RYR2: variants seen among roughly 807,000 people sequenced by gnomAD.
The protein encoded by RYR2 is ryanodine receptor 2, also known as cardiac muscle ryanodine receptor-calcium release channel.
A neutral mutation model predicts 601.1 loss-of-function variants in RYR2; 227 were observed. The observed-to-expected ratio is 0.38, with a 90% CI of 0.34 to 0.42. RYR2 has a LOEUF of 0.42. Among genes scored for constraint, RYR2 ranks in the 10% least tolerant of loss-of-function variants. The pLI, the probability that RYR2 is intolerant of heterozygous loss-of-function variation, is 1.00. For missense variants in RYR2, 4,646 were observed against 6,156.5 expected (o/e 0.75, Z 8.21); for synonymous variants, 2,223 against 2,175.1 (o/e 1.02, Z -0.61).
At chr1:237,086,633 C>A (rs1479310964) in intron 1 of RYR2, among the ~76,000 whole-genome samples, 4 of 152,126 alleles carry the variant, frequency 2.6e-5, no homozygotes, top group African/African-American at 9.7e-5. Context: ...TTAACTAATC[C>A]AAGCCAGGGC....
At chr1:237,831,392 C>T (rs1446074148) in intron 103 of RYR2, 122 bp from the exon 104 acceptor site, 5 of 594,542 alleles carry the variant, frequency 8.4e-6, no homozygotes, top group Admixed American at 3.4e-5. Flanking sequence ...CAAAAATTTG[C>T]ATGTGGCGTT....
rs565039390 is a variant in RYR2, at chr1:237,320,956, C to T, written c.169-9922C>T. ...GATTTTTTTAGAGCAGGCTCACTGT[C>T]ACATTTAGGTTTTTTTTTTTTTAAA... On this transcript the variant is annotated intron_variant, in intron 2 of 104. Transcript: ENST00000366574. 3.3e-5 allele frequency among the ~76,000 whole-genome samples: 3 copies of T among 90,476 alleles called. No individual in the cohort carries two copies. In the East Asian group the frequency reaches 9.9e-4, roughly 30 times the overall value. 59.4% of individuals were successfully genotyped at this position (90,476 alleles called of 152,430 possible).
chr1:237,267,545 A>T, intron 1 of RYR2: 1 of 233,344 alleles, frequency 4.3e-6, no homozygotes, highest in South Asian at 3.7e-5. Context: ...AGAAGAGAAG[A>T]GAAGAAAAGA....
chr1:237,689,516 A>G (rs1330690922), intron 63 of RYR2, among the ~76,000 whole-genome samples: 1 of 152,208 alleles, frequency 6.6e-6, no homozygotes, highest in African/African-American at 2.4e-5. Context: ...AGATAAATGT[A>G]TAATACAGTT....
chr1:237,734,595 T>C (rs928786455), intron 79 of RYR2, among the ~76,000 whole-genome samples: 5 of 152,168 alleles, frequency 3.3e-5, no homozygotes, highest in Admixed American at 6.5e-5. Context: ...CATGCAAAAA[T>C]AGTACAGCTT....
intron 1 of RYR2, among the ~76,000 whole-genome samples, chr1:237,146,078 A>G (rs1472066131): frequency 6.6e-6 from 1 of 152,234 alleles, no homozygotes; most frequent in African/African-American, 2.4e-5. Context: ...ACTATAGCAT[A>G]TATTTGGGTA....
At chr1:237,520,763 C>T (rs944386547) in intron 24 of RYR2, among the ~76,000 whole-genome samples, 6 of 152,086 alleles carry the variant, frequency 3.9e-5, no homozygotes, top group Admixed American at 1.3e-4. Flanking sequence ...TGGCCAGGTG[C>T]GGTGGCTCAT....
chr1:237,232,477 A>T (rs1157866756), intron 1 of RYR2, among the ~76,000 whole-genome samples: 1 of 152,220 alleles, frequency 6.6e-6, no homozygotes, highest in Non-Finnish European at 1.5e-5. Flanking sequence ...ACCTTCCCTC[A>T]TACCTTACCC....
chr1:237,191,979 T>C (rs997365697), intron 1 of RYR2, among the ~76,000 whole-genome samples: 1 of 152,120 alleles, frequency 6.6e-6, no homozygotes, highest in African/African-American at 2.4e-5. Flanking sequence ...GTGATACCTT[T>C]TTGAATTCCT....
rs1707900850 is a variant in RYR2, at chr1:237,441,499, A to G, written c.1170+16A>G. The G allele has an allele frequency of 1.4e-6, 2 of 1,449,364 alleles. No homozygotes were observed. Among genetic ancestry groups the G allele is most frequent in the Non-Finnish European group, 9.1e-7 (1 of 1,093,980 alleles). The allele number at this position is 1,449,364 out of a possible 1,614,324, so 89.8% of individuals were successfully genotyped here. A position where few individuals can be genotyped will look rare whatever the true frequency, so the allele number is the denominator to read the frequency against. ...ACAACGTAAGGTAAGGTGATAGAAA[A>G]AAACATAATTTATAGAAGTAATTTT... is the stretch of plus-strand genomic sequence containing the variant. On this transcript the variant is annotated intron_variant, in intron 13 of 104. Coordinates refer to ENST00000366574, the MANE Select transcript of RYR2 (RefSeq NM_001035.3).
At chr1:237,785,893 TG>T in intron 90 of RYR2, 75 bp from the exon 91 acceptor site, 1 of 1,010,774 alleles carries the variant, frequency 9.9e-7, no homozygotes, top group Non-Finnish European at 1.5e-6. Flanking sequence ...GTTTGACACA[TG>T]GTCACATGGC....
chr1:237,337,423 T>TA (rs1379234701), intron 3 of RYR2, among the ~76,000 whole-genome samples: 3 of 152,216 alleles, frequency 2.0e-5, no homozygotes, highest in African/African-American at 7.2e-5. Flanking sequence ...AAGATCATTT[T>TA]ATATAAATGC....
chr1:237,455,479 A>G (rs1175701123), intron 15 of RYR2, among the ~76,000 whole-genome samples: 1 of 152,116 alleles, frequency 6.6e-6, no homozygotes, highest in African/African-American at 2.4e-5. Context: ...TCTGCTCACT[A>G]TCTGGGTGAT....
chr1:237,050,802 G>A (rs145214777), intron 1 of RYR2, among the ~76,000 whole-genome samples: 1 of 152,334 alleles, frequency 6.6e-6, no homozygotes, highest in East Asian at 1.9e-4. Flanking sequence ...AAGCCGAACA[G>A]CACACTGAGG....
At chr1:237,396,933 T>C (rs1379228662) in intron 10 of RYR2, among the ~76,000 whole-genome samples, 20 of 152,092 alleles carry the variant, frequency 1.3e-4, no homozygotes, top group Admixed American at 1.1e-3. Context: ...TTTGGGATCA[T>C]AGAGTTCTTA....
At chr1:237,591,902 GT>G in intron 32 of RYR2, 49 bp downstream of exon 32, 1 of 1,289,564 alleles carries the variant, frequency 7.8e-7, no homozygotes, top group Non-Finnish European at 1.1e-6. Context: ...CACTCATTAT[GT>G]TTTACATCTC....
chr1:237,194,790 A>C (rs879225865), intron 1 of RYR2, among the ~76,000 whole-genome samples: 2 of 152,202 alleles, frequency 1.3e-5, no homozygotes, highest in Admixed American at 1.3e-4. Context: ...TTTAGCTGTA[A>C]GTTTCCAAAC....
chr1:237,820,520 C>T (rs1662360065), intron 101 of RYR2, among the ~76,000 whole-genome samples: 1 of 152,170 alleles, frequency 6.6e-6, no homozygotes, highest in Non-Finnish European at 1.5e-5. Flanking sequence ...CCATGGTCTT[C>T]GCAACCAGCA....
chr1:237,362,945 T>C (rs1167897785), intron 4 of RYR2, among the ~76,000 whole-genome samples: 1 of 152,192 alleles, frequency 6.6e-6, no homozygotes, highest in Non-Finnish European at 1.5e-5. Flanking sequence ...CAATGCCGAA[T>C]AGCAGACCTC....
Sources: gnomAD v4.1 joint callset for allele counts (sites outside exome capture counted in the v4.1 genomes callset) on GRCh38, gnomAD v4.1.1 for gene constraint, MANE v1.5 for transcripts, NCBI Gene and HGNC (gene_info 2026-07-23, HGNC 2026-07-21) for gene names.